PRKN: variants seen among roughly 807,000 people sequenced by gnomAD.
PRKN encodes parkin RBR E3 ubiquitin protein ligase.
In PRKN, 56 loss-of-function variants were observed where a neutral mutation model predicts 59.5. The observed-to-expected ratio is 0.94, with a 90% CI of 0.76 to 1.18. The LOEUF (loss-of-function observed/expected upper bound fraction) is 1.18. Ranked by LOEUF, PRKN falls within the 50% of genes most tolerant of loss-of-function variation. PRKN has a pLI of 0.00. For missense variants in PRKN, 657 were observed against 596.4 expected, an observed-to-expected ratio of 1.10 and a Z score of -1.06; for synonymous variants, 250 against 222.1, an observed-to-expected ratio of 1.13 and a Z score of -1.12.
chr6:161,586,588 ACTG>A (rs1040492676), intron 7 of PRKN, among the ~76,000 whole-genome samples: 2 of 152,154 alleles, frequency 1.3e-5, no homozygotes, highest in African/African-American at 4.8e-5. Context: ...TGTTCTTCCT[ACTG>A]CTATTTCCAC....
chr6:162,157,277 T>G (rs1954931), intron 4 of PRKN, among the ~76,000 whole-genome samples: 1 of 151,676 alleles, frequency 6.6e-6, no homozygotes, highest in African/African-American at 2.4e-5. Context: ...GATGGCACTT[T>G]GCCCTTCCAT....
chr6:162,297,954 G>A (rs1327801762), intron 2 of PRKN, among the ~76,000 whole-genome samples: 4 of 152,086 alleles, frequency 2.6e-5, no homozygotes, highest in Non-Finnish European at 5.9e-5. Context: ...GTGAAATCAG[G>A]ATTATAGCTG....
At chr6:162,438,827 T>C (rs999440757) in intron 2 of PRKN, among the ~76,000 whole-genome samples, 2 of 152,242 alleles carry the variant, frequency 1.3e-5, no homozygotes, top group Non-Finnish European at 2.9e-5. Flanking sequence ...TATAACTTTA[T>C]GTCTCTTGCA....
chr6:161,388,070 C>T lies in PRKN; in HGVS notation c.1084-1193G>A, dbSNP rs1786346527. Among the ~76,000 whole-genome samples, 1 of 152,230 alleles carries T rather than the reference C, an allele frequency of 6.6e-6. No individual in the cohort carries two copies. The highest frequency in any genetic ancestry group is 1.5e-5 in the Non-Finnish European group (1 of 68,046). ...CTCTCCTGAAAGCACGTCCCATTCT[C>T]ATCGCCACCAGCCATGCTCTGAAGT... On this transcript the variant is annotated intron_variant, in intron 9 of 11. Transcript: ENST00000366898. The surrounding 1 kb of genome is among the most constrained non-coding windows in gnomAD (Gnocchi z 4.3).
At chr6:161,777,132 G>T (rs752263248) in intron 7 of PRKN, among the ~76,000 whole-genome samples, 2 of 152,220 alleles carry the variant, frequency 1.3e-5, no homozygotes, top group South Asian at 4.1e-4. Flanking sequence ...AAAATGAGAA[G>T]AATAACAACA....
rs879809002 is a variant in PRKN, at chr6:161,414,842, T to C, written c.1084-27965A>G. Among the ~76,000 whole-genome samples the C allele has an allele frequency of 2.6e-5, 4 of 152,190 alleles. No homozygotes were observed. The highest frequency in any genetic ancestry group is 4.4e-5 in the Non-Finnish European group (3 of 68,036). Reference sequence around the variant, plus strand: ...TGCCAGACTCTATTATTGTGGGCTATAAATTAAGAGGCTTCCGTTTCAAAT... The same window carrying C: ...TGCCAGACTCTATTATTGTGGGCTACAAATTAAGAGGCTTCCGTTTCAAAT... On this transcript the variant is annotated intron_variant, in intron 9 of 11. Coordinates refer to ENST00000366898, the MANE Select transcript of PRKN (RefSeq NM_004562.3). This position sits in a 1 kb window ranked among gnomAD's most constrained non-coding sequence, Gnocchi z 5.3.
intron 1 of PRKN, among the ~76,000 whole-genome samples, chr6:162,689,577 A>C (rs556785277): frequency 6.6e-6 from 1 of 152,342 alleles, no homozygotes; most frequent in Admixed American, 6.5e-5. Context: ...TTTGGCAGGA[A>C]AATGATGTCT....
chr6:161,826,630 A>T (rs1792256787), intron 6 of PRKN, among the ~76,000 whole-genome samples: 1 of 152,222 alleles, frequency 6.6e-6, no homozygotes, highest in Admixed American at 6.5e-5. Context: ...CCACCCAGTC[A>T]GTTCTAGACA....
At chr6:162,050,477 T>TC (rs1456463530) in intron 5 of PRKN, among the ~76,000 whole-genome samples, 2 of 151,644 alleles carry the variant, frequency 1.3e-5, no homozygotes, top group Non-Finnish European at 2.9e-5. Context: ...CCCCTCTCTT[T>TC]TTTTTTCATC....
chr6:161,746,692 G>GTATATGTA (rs1337750940), intron 7 of PRKN, among the ~76,000 whole-genome samples: 1 of 140,938 alleles, frequency 7.1e-6, no homozygotes, highest in Non-Finnish European at 1.5e-5. Context: ...ATCTATATAG[G>GTATATGTA]TATATGTATA....
intron 2 of PRKN, among the ~76,000 whole-genome samples, chr6:162,388,139 G>C (rs894446807): frequency 6.6e-6 from 1 of 152,096 alleles, no homozygotes; most frequent in Non-Finnish European, 1.5e-5. Context: ...TATGTTCTTC[G>C]GGCTGGCCCT....
intron 3 of PRKN, among the ~76,000 whole-genome samples, chr6:162,221,626 A>T (rs919634290): frequency 2.0e-5 from 3 of 152,184 alleles, no homozygotes; most frequent in Admixed American, 1.3e-4. Context: ...CCAAGCCAAA[A>T]TTTGACATAG....
Position 161,575,697 on chromosome 6 carries a change from T to G in PRKN, c.872-6281A>C, listed in dbSNP as rs1479910483. Among the ~76,000 whole-genome samples the G allele has an allele frequency of 2.6e-5, 4 of 152,210 alleles. No individual in the cohort carries two copies. Among genetic ancestry groups the G allele is most frequent in the Non-Finnish European group, 5.9e-5 (4 of 68,038 alleles). On this transcript the variant is annotated intron_variant, in intron 7 of 11. Transcript: ENST00000366898. This position sits in a 1 kb window ranked among gnomAD's most constrained non-coding sequence, Gnocchi z 4.6. ...AATGGATTTCAGCTCTCTGATGTGC[T>G]CCTGGCACTGGTCACATGACACAAA...
At chr6:161,924,325 A>G (rs1778889738) in intron 6 of PRKN, among the ~76,000 whole-genome samples, 1 of 152,136 alleles carries the variant, frequency 6.6e-6, no homozygotes, top group Non-Finnish European at 1.5e-5. Context: ...AATGGCCCAG[A>G]CTGTGTGCTT....
At chr6:161,782,752 G>T (rs147019766) in intron 7 of PRKN, among the ~76,000 whole-genome samples, 2,620 of 151,950 alleles carry the variant, frequency 0.017, 69 homozygotes, top group African/African-American at 0.059. Context: ...AAATTAGCAG[G>T]GCATGGTGGC....
At chr6:162,081,094 C>A (rs1470684986) in intron 4 of PRKN, among the ~76,000 whole-genome samples, 3 of 152,136 alleles carry the variant, frequency 2.0e-5, no homozygotes, top group Non-Finnish European at 4.4e-5. Flanking sequence ...ATTTTCACCT[C>A]ATCTTCAGTT....
chr6:162,331,257 C>T lies in PRKN; in HGVS notation c.172-68492G>A, dbSNP rs7760305. 1.7e-3 allele frequency among the ~76,000 whole-genome samples: 259 copies of T among 152,150 alleles called. 3 individuals carry two copies. The East Asian group carries it at 0.023, about 14-fold the overall frequency. On this transcript the variant is annotated intron_variant, in intron 2 of 11. Transcript: ENST00000366898. The stretch of plus-strand genomic sequence containing the variant: ...CATAATTCAATCGCTCCCAACCAGG[C>T]CCCTCCTCCAGCAATGGGAATTACA...
chr6:161,519,505 G>A (rs374548622), intron 9 of PRKN, among the ~76,000 whole-genome samples: 19 of 152,130 alleles, frequency 1.2e-4, no homozygotes, highest in African/African-American at 4.6e-4. Context: ...TATAGTGAAA[G>A]ACAGGTGGAT....
chr6:161,460,841 C>A lies in PRKN; in HGVS notation c.1084-73964G>T, dbSNP rs546952330. Among the ~76,000 whole-genome samples the A allele has an allele frequency of 1.3e-5, 2 of 151,958 alleles. No individual in the cohort carries two copies. Among genetic ancestry groups the A allele is most frequent in the East Asian group, 3.9e-4 (2 of 5,162 alleles). On this transcript the variant is annotated intron_variant, in intron 9 of 11. Coordinates refer to ENST00000366898, the MANE Select transcript of PRKN (RefSeq NM_004562.3). This position sits in a 1 kb window ranked among gnomAD's most constrained non-coding sequence, Gnocchi z 5.0. ...CTCGGCCCACTGCAATCTCAGACTC[C>A]CTGGTTCAAGCAATTCTCCTGCCTC... is the stretch of plus-strand genomic sequence containing the variant.
Sources: gnomAD v4.1 joint callset for allele counts (sites outside exome capture counted in the v4.1 genomes callset) on GRCh38, gnomAD v4.1.1 for gene constraint, Gnocchi (gnomAD v3.1) non-coding constraint, MANE v1.5 for transcripts, NCBI Gene and HGNC (gene_info 2026-07-23, HGNC 2026-07-21) for gene names.